BACE2: variants seen among roughly 807,000 people sequenced by gnomAD.
The protein encoded by BACE2 is beta-secretase 2.
Under a neutral mutation model 46.2 loss-of-function variants are expected in BACE2, and 17 were observed. The observed-to-expected ratio is 0.37, with a 90% CI of 0.25 to 0.55. The LOEUF (loss-of-function observed/expected upper bound fraction) is 0.55, where lower values mean the gene tolerates loss of function less well. Among genes scored for constraint, BACE2 ranks in the 20% least tolerant of loss-of-function variants. The pLI is 0.82. For missense variants in BACE2, 595 were observed against 698.1 expected (o/e 0.85, Z 1.66); for synonymous variants, 277 against 295.9 (o/e 0.94, Z 0.66).
In BACE2 at chr21:41,168,400, C is replaced by T. The variant is rs1434546014; in HGVS notation, c.137C>T (p.Thr46Ile). 2 of 1,416,976 alleles carry T rather than the reference C, an allele frequency of 1.4e-6. No homozygotes were observed. Among genetic ancestry groups the T allele is most frequent in the Non-Finnish European group, 1.8e-6 (2 of 1,082,076 alleles). The allele number at this position is 1,416,976 out of a possible 1,614,324, so 87.8% of individuals were successfully genotyped here. The change falls in exon 1 of 9, where the codon ACC becomes ATC. Residue 46 changes from threonine to isoleucine, a missense_variant. Around this residue, in one of 3 missense-constraint regions of BACE2, gnomAD observed 248 missense variants for 261.4 expected, o/e 0.95. Coordinates refer to ENST00000330333, the MANE Select transcript of BACE2 (RefSeq NM_012105.5). ...GCCACGAACCGCGTAGTTGCGCCCA[C>T]CCCGGGACCCGGGACCCCTGCCGAG... is the stretch of plus-strand genomic sequence containing the variant. ...AAATNRVVAPTPGPGTPAERH... is the reference protein window; with the variant it reads ...AAATNRVVAPIPGPGTPAERH...
At chr21:41,194,511 A>G (rs1012091036) in intron 1 of BACE2, among the ~76,000 whole-genome samples, 2 of 152,200 alleles carry the variant, frequency 1.3e-5, no homozygotes, top group Non-Finnish European at 1.5e-5. Context: ...GACTTTAGGG[A>G]AAGCTTATAT....
At chr21:41,181,961 A>G (rs1461587472) in intron 1 of BACE2, 1 of 167,108 alleles carries the variant, frequency 6.0e-6, no homozygotes, top group Admixed American at 6.5e-5. Flanking sequence ...GGTTAATTAG[A>G]AGAGCAAACA....
intron 1 of BACE2, chr21:41,183,265 G>A (rs546315751): frequency 6.0e-6 from 1 of 165,826 alleles, no homozygotes; most frequent in East Asian, 1.9e-4. Flanking sequence ...ACTTACCTAG[G>A]TAAAAATCCT....
intron 1 of BACE2, among the ~76,000 whole-genome samples, chr21:41,195,342 G>T (rs970019674): frequency 2.6e-5 from 4 of 152,234 alleles, no homozygotes; most frequent in African/African-American, 9.6e-5. Flanking sequence ...CTGAGGTTTT[G>T]TCTGTGTCAG....
rs773431905 is a variant in BACE2, at chr21:41,226,346, C to T, written c.393C>T (p.Asp131=). The T allele has an allele frequency of 6.2e-7, 1 of 1,613,890 alleles. No homozygotes were observed. Among genetic ancestry groups the T allele is most frequent in the Admixed American group, 1.7e-5 (1 of 59,986 alleles). The change falls in exon 2 of 9, where the codon GAC becomes GAT. Residue 131 remains aspartate, a synonymous_variant. Coordinates refer to ENST00000330333, the MANE Select transcript of BACE2 (RefSeq NM_012105.5). The stretch of plus-strand genomic sequence containing the variant: ...ACTCCTACATAGACACGTACTTTGA[C>T]ACAGAGAGGTAAGCGCTGGCCCCTT... The part of the protein sequence containing the change: ...TPHSYIDTYF[D]TERSSTYRSK...
chr21:41,220,593 C>T (rs1371636809), intron 1 of BACE2, among the ~76,000 whole-genome samples: 2 of 151,994 alleles, frequency 1.3e-5, no homozygotes, highest in African/African-American at 4.8e-5. Flanking sequence ...CCCTTTTGTA[C>T]GTTTATGAGA....
chr21:41,245,983 G>A lies in BACE2; in HGVS notation c.904G>A (p.Val302Met), dbSNP rs779810118. Residue 302 changes from valine (V) to methionine (M), a missense_variant, in exon 6 of 9, where the codon GTG (valine) becomes ATG (methionine). Val to Met is a conservative substitution (Grantham distance 21). This residue lies in a region of BACE2 where 343 missense variants were observed against 419.4 expected (regional missense o/e 0.82). Coordinates refer to ENST00000330333, the MANE Select transcript of BACE2 (RefSeq NM_012105.5). ...CREYNADKAI[V>M]DSGTTLLRLP... ...CAAGTATAACGCAGACAAGGCCATC[G>A]TGGACAGTGGCACCACGCTGCTGCG... 1.4e-5 allele frequency: 22 copies of A among 1,610,668 alleles called. No individual in the cohort carries two copies. The highest frequency in any genetic ancestry group is 2.7e-5 in the African/African-American group (2 of 74,886).
At chr21:41,243,850 T>A (rs1987376525) in intron 5 of BACE2, among the ~76,000 whole-genome samples, 1 of 152,226 alleles carries the variant, frequency 6.6e-6, no homozygotes, top group African/African-American at 2.4e-5. Context: ...AATAAACAGA[T>A]TTTTAATCAG....
Position 41,278,861 on chromosome 21 carries a change from A to C in BACE2, c.*3237A>C, listed in dbSNP as rs538713404. On this transcript the variant is annotated 3_prime_UTR_variant, in exon 9 of 9. Transcript: ENST00000330333. ...CATTGGGAATAAATCGTTGTTCAACAGTCTGTTCCACAAACAACAGTAATT... is the reference window on the plus strand; with the variant it reads ...CATTGGGAATAAATCGTTGTTCAACCGTCTGTTCCACAAACAACAGTAATT... 1 of 152,342 alleles carries C rather than the reference A, an allele frequency of 6.6e-6. No individual in the cohort carries two copies. Among genetic ancestry groups the C allele is most frequent in the East Asian group, 1.9e-4 (1 of 5,194 alleles). The allele number at this position is 152,342 out of a possible 1,614,324, so 9.4% of individuals were successfully genotyped here.
At chr21:41,243,079 A>C (rs748423744) in intron 4 of BACE2, among the ~76,000 whole-genome samples, 48 of 151,900 alleles carry the variant, frequency 3.2e-4, no homozygotes, top group Non-Finnish European at 5.0e-4. Context: ...TTGCCCGGCT[A>C]ATTTTTGTAT....
intron 1 of BACE2, among the ~76,000 whole-genome samples, chr21:41,221,744 C>T (rs1251050126): frequency 1.3e-5 from 2 of 149,020 alleles, no homozygotes; most frequent in Admixed American, 6.8e-5. Context: ...AGGAGAATGG[C>T]GTGAGCCCAG....
At chr21:41,206,297 A>G (rs142950482) in intron 1 of BACE2, among the ~76,000 whole-genome samples, 2 of 152,236 alleles carry the variant, frequency 1.3e-5, no homozygotes, top group Admixed American at 6.5e-5. Context: ...CCTTTTTATA[A>G]GGGCACTAAT....
At chr21:41,241,984 C>T (rs1568883047) in intron 4 of BACE2, 37 bp downstream of exon 4, 2 of 1,610,064 alleles carry the variant, frequency 1.2e-6, no homozygotes, top group Non-Finnish European at 1.7e-6. Flanking sequence ...CGAAAAATCA[C>T]AGATGGATGG....
At chr21:41,262,482 C>T (rs1987965029) in intron 8 of BACE2, among the ~76,000 whole-genome samples, 1 of 151,812 alleles carries the variant, frequency 6.6e-6, no homozygotes, top group Admixed American at 6.6e-5. Context: ...GGGACTTGAC[C>T]CTTCTTATTC....
chr21:41,245,411 A>G (rs976419703), intron 5 of BACE2, among the ~76,000 whole-genome samples: 4 of 152,236 alleles, frequency 2.6e-5, no homozygotes, highest in African/African-American at 9.6e-5. Flanking sequence ...CATGAAGAAC[A>G]TTGCAGGTGA....
chr21:41,261,620 G>A (rs900494157), intron 8 of BACE2, among the ~76,000 whole-genome samples: 1 of 151,834 alleles, frequency 6.6e-6, no homozygotes, highest in Non-Finnish European at 1.5e-5. Context: ...TATGCCCTGT[G>A]CCTTATTTAA....
chr21:41,215,308 C>T (rs1278535763), intron 1 of BACE2, among the ~76,000 whole-genome samples: 1 of 152,198 alleles, frequency 6.6e-6, no homozygotes, highest in Non-Finnish European at 1.5e-5. Context: ...CCTGCAGTTC[C>T]ACCTCCTTAG....
At chr21:41,201,191 C>G (rs950122383) in intron 1 of BACE2, among the ~76,000 whole-genome samples, 1 of 152,250 alleles carries the variant, frequency 6.6e-6, no homozygotes, top group African/African-American at 2.4e-5. Flanking sequence ...AAATGTTTAT[C>G]TTACGCAGTC....
chr21:41,199,694 G>A (rs1349097065), intron 1 of BACE2, among the ~76,000 whole-genome samples: 2 of 152,118 alleles, frequency 1.3e-5, no homozygotes, highest in African/African-American at 4.8e-5. Flanking sequence ...GTTCTAGCCG[G>A]GCTTCGATTC....
Sources: allele counts gnomAD v4.1 joint callset (sites outside exome capture counted in the v4.1 genomes callset), GRCh38; gene constraint gnomAD v4.1.1; regional missense constraint gnomAD v4.1.1; transcripts MANE v1.5; gene names NCBI Gene and HGNC (gene_info 2026-07-23, HGNC 2026-07-21).